ADAMTS6: variants seen among roughly 807,000 people sequenced by gnomAD.
The protein encoded by ADAMTS6 is ADAM metallopeptidase with thrombospondin type 1 motif 6, also known as A disintegrin and metalloproteinase with thrombospondin motifs 6.
A neutral mutation model predicts 144.3 loss-of-function variants in ADAMTS6; 23 were observed. That is an observed-to-expected ratio of 0.16 (90% CI 0.11 to 0.23). The LOEUF (loss-of-function observed/expected upper bound fraction) is 0.23, where lower values mean the gene tolerates loss of function less well. ADAMTS6 is among the 10% of genes least tolerant of loss of function. ADAMTS6 has a pLI of 1.00. For synonymous variants in ADAMTS6, 444 were observed against 457.5 expected, an observed-to-expected ratio of 0.97 and a Z score of 0.38; for missense variants, 999 against 1,379.6, an observed-to-expected ratio of 0.72 and a Z score of 4.37.
rs187041690 is a variant in ADAMTS6 at position 65,436,132 on chromosome 5, G to A, written c.1073+15343C>T. ...TAATCCCAGCACTTTGGGAGAGGCC[G>A]AAGAATTGCTTGAGCTGAAGAGCTC... On this transcript the variant is annotated intron_variant, in intron 7 of 24. Transcript: ENST00000381055. Among the ~76,000 whole-genome samples the A allele has an allele frequency of 3.3e-5, 5 of 152,150 alleles. No individual in the cohort carries two copies. The East Asian group carries it at 5.8e-4, about 18-fold the overall frequency.
rs553727449 is a variant in ADAMTS6 at position 65,179,006 on chromosome 5, C to T, written c.2911-5998G>A. Among the ~76,000 whole-genome samples the T allele has an allele frequency of 4.2e-4, 64 of 151,370 alleles. 1 individual carries two copies. Among genetic ancestry groups the T allele is most frequent in the Middle Eastern group, 6.8e-3 (2 of 292 alleles). On this transcript the variant is annotated intron_variant, in intron 22 of 24. Transcript: ENST00000381055. The stretch of plus-strand genomic sequence containing the variant: ...ACTGTGAGCTGTACGTGGACGGGAG[C>T]TTCGCTAACGCCTACAAAGTGACTC...
At chr5:65,186,291 A>G (rs562286392) in intron 22 of ADAMTS6, among the ~76,000 whole-genome samples, 4 of 152,240 alleles carry the variant, frequency 2.6e-5, no homozygotes, top group South Asian at 2.1e-4. Context: ...CTGAATTTCC[A>G]TATTAATTAT....
chr5:65,385,267 T>C (rs1752390561), intron 7 of ADAMTS6, among the ~76,000 whole-genome samples: 1 of 152,242 alleles, frequency 6.6e-6, no homozygotes, highest in Admixed American at 6.5e-5. Flanking sequence ...CCCTTTAGAA[T>C]AGAAATTCCA....
At chr5:65,420,405 G>A (rs772291566) in intron 7 of ADAMTS6, among the ~76,000 whole-genome samples, 6 of 152,000 alleles carry the variant, frequency 3.9e-5, no homozygotes, top group Non-Finnish European at 7.4e-5. Context: ...TTTTCAGACG[G>A]AGTTTCACTC....
chr5:65,222,447 T>G (rs1389352150), intron 18 of ADAMTS6, among the ~76,000 whole-genome samples: 1 of 152,190 alleles, frequency 6.6e-6, no homozygotes, highest in African/African-American at 2.4e-5. Flanking sequence ...ATACCTTATA[T>G]AAAAATTAAC....
chr5:65,406,757 G>T (rs1754543825), intron 7 of ADAMTS6, among the ~76,000 whole-genome samples: 1 of 151,818 alleles, frequency 6.6e-6, no homozygotes, highest in East Asian at 1.9e-4. Context: ...TTAGAATTCA[G>T]TATAATATTG....
chr5:65,210,596 T>A (rs1208914234), intron 20 of ADAMTS6: 5 of 595,012 alleles, frequency 8.4e-6, no homozygotes, highest in Non-Finnish European at 1.2e-5. Flanking sequence ...GGCAATAAAG[T>A]TTTTGGCACC....
intron 15 of ADAMTS6, among the ~76,000 whole-genome samples, chr5:65,235,833 T>C (rs1758630933): frequency 6.6e-6 from 1 of 152,202 alleles, no homozygotes; most frequent in South Asian, 2.1e-4. Context: ...ATACAGTTGT[T>C]AATTCCAGAA....
chr5:65,275,308 T>A (rs1423509170), intron 11 of ADAMTS6, among the ~76,000 whole-genome samples: 1 of 89,084 alleles, frequency 1.1e-5, no homozygotes, highest in Non-Finnish European at 2.2e-5. Flanking sequence ...AGGGAAGGGA[T>A]GGAAAGAAAG....
Position 65,224,932 on chromosome 5 carries a change from G to A in ADAMTS6, c.2183C>T (p.Pro728Leu). The A allele has an allele frequency of 6.2e-7, 1 of 1,613,366 alleles. No individual in the cohort carries two copies. Among genetic ancestry groups the A allele is most frequent in the Non-Finnish European group, 8.5e-7 (1 of 1,179,734 alleles). ...AIEGFFNDSL[P>L]RGGYMEVVQI... The stretch of plus-strand genomic sequence containing the variant: ...TCTCTCTACATACTCACCTCCCCTG[G>A]GCAGTGAATCATTGAAGAACCCTTC... Residue 728 changes from proline (P) to leucine (L), a missense_variant, in exon 17 of 25, where the codon CCC becomes CTC. Transcript: ENST00000381055.
chr5:65,413,328 A>G (rs1755223778), intron 7 of ADAMTS6, among the ~76,000 whole-genome samples: 1 of 152,148 alleles, frequency 6.6e-6, no homozygotes, highest in Admixed American at 6.5e-5. Flanking sequence ...ACCTTAACAT[A>G]AGCTGTCAAT....
chr5:65,290,967 C>A (rs768142928), intron 11 of ADAMTS6, among the ~76,000 whole-genome samples: 2 of 152,012 alleles, frequency 1.3e-5, no homozygotes, highest in Admixed American at 6.6e-5. Context: ...TGTAAAAATG[C>A]CCTTTAGCTC....
In ADAMTS6 at chr5:65,470,838, T is replaced by C; in HGVS notation, c.402A>G (p.Thr134=). The C allele has an allele frequency of 2.5e-6, 4 of 1,610,210 alleles. No homozygotes were observed. The highest frequency in any genetic ancestry group is 2.2e-5 in the South Asian group (2 of 90,100). The change falls in exon 3 of 25, where the codon ACA becomes ACG. Residue 134 remains threonine, a synonymous_variant. Coordinates refer to ENST00000381055, the MANE Select transcript of ADAMTS6 (RefSeq NM_197941.4). ...TACTACGTTGATCTTGCAAATATCC[T>C]GTGTAATGACAGTTGTCTAAAAAAT... is the stretch of plus-strand genomic sequence containing the variant. The part of the protein sequence containing the change: ...KHDFLDNCHY[T]GYLQDQRSTT...
intron 7 of ADAMTS6, chr5:65,415,763 C>T (rs1755456643): frequency 8.1e-6 from 2 of 247,524 alleles, no homozygotes; most frequent in African/African-American, 4.7e-5. Context: ...GGTCTGGGTG[C>T]TAAGTGCTCC....
At chr5:65,243,945 G>A (rs1323249019) in intron 14 of ADAMTS6, among the ~76,000 whole-genome samples, 1 of 151,660 alleles carries the variant, frequency 6.6e-6, no homozygotes, top group African/African-American at 2.4e-5. Context: ...GGAAAAACAA[G>A]ACACAAATGG....
chr5:65,188,504 A>G (rs1754808026), intron 21 of ADAMTS6, among the ~76,000 whole-genome samples: 1 of 152,208 alleles, frequency 6.6e-6, no homozygotes. Context: ...GAGGATAACA[A>G]TGATCAATCT....
At chr5:65,398,781 CAAGAAAGAAAGA>C (rs199684759) in intron 7 of ADAMTS6, among the ~76,000 whole-genome samples, 14,479 of 105,690 alleles carry the variant, frequency 0.14, 1,104 homozygotes, top group East Asian at 0.19. Flanking sequence ...GAAGAGAGAG[CAAGAAAGAAAGA>C]AAGAAAGAAA....
chr5:65,433,909 A>G (rs1188536957), intron 7 of ADAMTS6, among the ~76,000 whole-genome samples: 2 of 152,196 alleles, frequency 1.3e-5, no homozygotes. Context: ...CCCTAGGTAT[A>G]TACTCAAGAG....
chr5:65,356,080 C>A (rs1301273292), intron 7 of ADAMTS6, among the ~76,000 whole-genome samples: 1 of 151,566 alleles, frequency 6.6e-6, no homozygotes. Flanking sequence ...AGTATCAGGG[C>A]TCCTGCATTT....
Sources: gnomAD v4.1 joint callset for allele counts (sites outside exome capture counted in the v4.1 genomes callset) on GRCh38, gnomAD v4.1.1 for gene constraint, MANE v1.5 for transcripts, NCBI Gene and HGNC (gene_info 2026-07-23, HGNC 2026-07-21) for gene names.